KCNIP4: variants seen among roughly 807,000 people sequenced by gnomAD.
KCNIP4 encodes the protein potassium voltage-gated channel interacting protein 4.
Under a neutral mutation model 34.0 loss-of-function variants are expected in KCNIP4, and 12 were observed. The observed-to-expected ratio is 0.35, with a 90% CI of 0.23 to 0.57. The LOEUF is 0.57. Among genes scored for constraint, KCNIP4 ranks in the 20% least tolerant of loss-of-function variants. The pLI is 0.83. For missense variants in KCNIP4, 238 were observed against 311.7 expected (o/e 0.76, Z 1.78); for synonymous variants, 124 against 102.2 (o/e 1.21, Z -1.29).
intron 5 of KCNIP4, among the ~76,000 whole-genome samples, chr4:20,738,759 C>T (rs1206292631): frequency 6.6e-6 from 1 of 152,080 alleles, no homozygotes; most frequent in Non-Finnish European, 1.5e-5. Context: ...GTGGATGCAG[C>T]CCACAGAGTG....
chr4:21,859,006 G>C (rs1200356420), intron 1 of KCNIP4, among the ~76,000 whole-genome samples: 1 of 152,146 alleles, frequency 6.6e-6, no homozygotes, highest in Admixed American at 6.5e-5. Flanking sequence ...GGAATCTATA[G>C]GATTATCCAA....
chr4:21,789,162 C>T (rs1375516679), intron 1 of KCNIP4, among the ~76,000 whole-genome samples: 1 of 151,316 alleles, frequency 6.6e-6, no homozygotes, highest in African/African-American at 2.4e-5. Flanking sequence ...TATTACAACT[C>T]ACACTCAACA....
chr4:20,966,507 A>T (rs1326386034), intron 1 of KCNIP4, among the ~76,000 whole-genome samples: 1 of 152,178 alleles, frequency 6.6e-6, no homozygotes, highest in Admixed American at 6.5e-5. Context: ...CATAGAAAAA[A>T]CTTGAGCTCT....
intron 1 of KCNIP4, among the ~76,000 whole-genome samples, chr4:21,556,930 A>ACAAAAACACAAAAAAAAAC (rs1739092858): frequency 9.2e-6 from 1 of 108,194 alleles, no homozygotes; most frequent in African/African-American, 3.2e-5. Context: ...CAGAAAAAAA[A>ACAAAAACACAAAAAAAAAC]AAAAAAAAAA....
intron 5 of KCNIP4, among the ~76,000 whole-genome samples, chr4:20,738,760 C>T (rs1184765884): frequency 6.6e-6 from 1 of 151,822 alleles, no homozygotes; most frequent in African/African-American, 2.4e-5. Context: ...TGGATGCAGC[C>T]CACAGAGTGT....
At chr4:21,232,350 C>A (rs897354503) in intron 1 of KCNIP4, among the ~76,000 whole-genome samples, 1 of 152,034 alleles carries the variant, frequency 6.6e-6, no homozygotes, top group Non-Finnish European at 1.5e-5. Context: ...TAAAATAGTT[C>A]TTTATCAATG....
intron 1 of KCNIP4, among the ~76,000 whole-genome samples, chr4:20,896,001 A>T (rs1383983274): frequency 2.6e-5 from 4 of 152,016 alleles, no homozygotes; most frequent in East Asian, 3.9e-4. Context: ...CTTTTTTTTT[A>T]AATTAACTGG....
chr4:21,591,902 C>A (rs1352299538), intron 1 of KCNIP4, among the ~76,000 whole-genome samples: 1 of 152,046 alleles, frequency 6.6e-6, no homozygotes, highest in Non-Finnish European at 1.5e-5. Flanking sequence ...AAGGAATTAA[C>A]AGAAAGAATA....
chr4:21,068,355 T>C (rs1167024520), intron 1 of KCNIP4, among the ~76,000 whole-genome samples: 4 of 152,200 alleles, frequency 2.6e-5, no homozygotes, highest in South Asian at 2.1e-4. Context: ...ATAAAGTTTA[T>C]CAAGTCATCA....
chr4:21,040,203 C>T (rs563864357), intron 1 of KCNIP4, among the ~76,000 whole-genome samples: 2 of 152,280 alleles, frequency 1.3e-5, no homozygotes, highest in Admixed American at 1.3e-4. Context: ...CAAAGCCTAA[C>T]CATATCATGC....
At position 21,177,957 on chromosome 4, in the gene KCNIP4, T is replaced by C. The variant is rs73805044; in HGVS notation, c.62-295248A>G. Among the ~76,000 whole-genome samples the C allele has an allele frequency of 4.8e-3, 730 of 151,928 alleles. 3 individuals carry two copies. The highest frequency in any genetic ancestry group is 0.015 in the African/African-American group (632 of 41,442). On this transcript the variant is annotated intron_variant, in intron 1 of 8. Transcript: ENST00000382152. ...CCATGTTTTACAGGTTATTATACTT[T>C]TCCAAATTAAATTCAGGATTCAACT...
intron 1 of KCNIP4, among the ~76,000 whole-genome samples, chr4:21,860,172 C>T (rs111910670): frequency 6.6e-6 from 1 of 152,138 alleles, no homozygotes; most frequent in African/African-American, 2.4e-5. Flanking sequence ...CTCACTCTGT[C>T]GCCCAGGCTG....
At chr4:21,260,155 G>A (rs1211419324) in intron 1 of KCNIP4, among the ~76,000 whole-genome samples, 1 of 150,852 alleles carries the variant, frequency 6.6e-6, no homozygotes, top group Non-Finnish European at 1.5e-5. Context: ...AGCGTTTATG[G>A]TCTTTCTATT....
intron 3 of KCNIP4, among the ~76,000 whole-genome samples, chr4:20,795,671 C>A (rs1397805506): frequency 6.6e-6 from 1 of 152,064 alleles, no homozygotes; most frequent in Non-Finnish European, 1.5e-5. Context: ...TACATTGTTG[C>A]CTACCATCTT....
At chr4:20,939,928 T>G (rs2149616678) in intron 1 of KCNIP4, among the ~76,000 whole-genome samples, 1 of 152,340 alleles carries the variant, frequency 6.6e-6, no homozygotes, top group Admixed American at 6.5e-5. Flanking sequence ...AGCACCTAAC[T>G]TAGTTCTCAA....
intron 1 of KCNIP4, chr4:20,916,422 G>T: frequency 1.3e-6 from 1 of 793,256 alleles, no homozygotes. Context: ...TGCACTAATA[G>T]AAAATATATG....
intron 4 of KCNIP4, chr4:20,752,776 A>G (rs1328182479): frequency 2.6e-5 from 4 of 152,244 alleles, no homozygotes; most frequent in East Asian, 1.9e-4. Context: ...AGGCAAAGGA[A>G]TGTCCAGCTA....
intron 5 of KCNIP4, among the ~76,000 whole-genome samples, chr4:20,743,352 C>T (rs1427833956): frequency 2.6e-5 from 4 of 152,204 alleles, no homozygotes; most frequent in Non-Finnish European, 5.9e-5. Flanking sequence ...AGACATCATG[C>T]TGCCTGACTT....
chr4:21,426,131 G>T (rs1267079825), intron 1 of KCNIP4, among the ~76,000 whole-genome samples: 1 of 152,084 alleles, frequency 6.6e-6, no homozygotes, highest in Non-Finnish European at 1.5e-5. Context: ...ATTAAGACAT[G>T]CTACAACATA....
Sources: gnomAD v4.1 joint callset for allele counts (sites outside exome capture counted in the v4.1 genomes callset) on GRCh38, gnomAD v4.1.1 for gene constraint, MANE v1.5 for transcripts, NCBI Gene and HGNC (gene_info 2026-07-23, HGNC 2026-07-21) for gene names.